The following ARHGAP6 variants were observed in gnomAD, a reference collection of about 807,000 sequenced individuals.
The protein encoded by ARHGAP6 is rho GTPase-activating protein 6.
Under a neutral mutation model 55.7 loss-of-function variants are expected in ARHGAP6, and 16 were observed. The ratio of observed to expected loss-of-function variants is 0.29; its 90% CI spans 0.19 to 0.44. ARHGAP6 has a LOEUF of 0.44. Among genes scored for constraint, ARHGAP6 ranks in the 20% least tolerant of loss-of-function variants. The pLI is 1.00. For synonymous variants in ARHGAP6, 382 were observed against 360.9 expected (o/e 1.06, Z -0.66); for missense variants, 698 against 808.9 (o/e 0.86, Z 1.66).
intron 1 of ARHGAP6, among the ~76,000 whole-genome samples, chrX:11,445,746 G>T (rs1314567095): frequency 9.0e-6 from 1 of 111,396 alleles, no homozygotes; most frequent in African/African-American, 3.3e-5. Context: ...GGCACTACTG[G>T]CATCTAGTGG....
intron 1 of ARHGAP6, among the ~76,000 whole-genome samples, chrX:11,568,583 C>T (rs892583381): frequency 2.7e-5 from 3 of 110,799 alleles, no homozygotes; most frequent in East Asian, 2.8e-4. Context: ...ATGGCAAAAC[C>T]CTGTCTCTAC....
chrX:11,596,971 T>C (rs2147138587), intron 1 of ARHGAP6, among the ~76,000 whole-genome samples: 1 of 111,983 alleles, frequency 8.9e-6, no homozygotes, highest in South Asian at 3.7e-4. Flanking sequence ...ACCAGTTTTC[T>C]TGGGACCTTC....
At chrX:11,411,222 T>TATAA (rs1385399573) in intron 1 of ARHGAP6, among the ~76,000 whole-genome samples, 3 of 79,527 alleles carry the variant, frequency 3.8e-5, no homozygotes, top group Non-Finnish European at 4.8e-5. Context: ...TATATATATA[T>TATAA]AAAATATACA....
intron 1 of ARHGAP6, among the ~76,000 whole-genome samples, chrX:11,330,818 C>T (rs2048554182): frequency 8.9e-6 from 1 of 112,116 alleles, no homozygotes; most frequent in Non-Finnish European, 1.9e-5. Flanking sequence ...GTCATCATCT[C>T]AGCACCCAAC....
chrX:11,283,267 A>G (rs1231173005), intron 1 of ARHGAP6, among the ~76,000 whole-genome samples: 1 of 111,750 alleles, frequency 8.9e-6, no homozygotes, highest in African/African-American at 3.3e-5. Context: ...CACTGAGGAG[A>G]TGGAGAATAA....
chrX:11,484,073 A>C (rs886512107), intron 1 of ARHGAP6, among the ~76,000 whole-genome samples: 1 of 111,989 alleles, frequency 8.9e-6, no homozygotes, highest in African/African-American at 3.3e-5. Flanking sequence ...ACTTCTCTTA[A>C]ATTTAAAAAC....
At chrX:11,525,927 G>A (rs2050984589) in intron 1 of ARHGAP6, among the ~76,000 whole-genome samples, 1 of 111,606 alleles carries the variant, frequency 9.0e-6, no homozygotes, top group Non-Finnish European at 1.9e-5. Flanking sequence ...TCCTCAAAAG[G>A]CTGGACTAAT....
intron 1 of ARHGAP6, among the ~76,000 whole-genome samples, chrX:11,472,391 A>T (rs2050356597): frequency 8.9e-6 from 1 of 112,152 alleles, no homozygotes. Flanking sequence ...ACAGAGATGG[A>T]GAGGCACCAC....
chrX:11,195,223 G>A (rs1433069096), intron 3 of ARHGAP6, among the ~76,000 whole-genome samples: 1 of 110,380 alleles, frequency 9.1e-6, no homozygotes, highest in Admixed American at 9.6e-5. Flanking sequence ...ATGGTGGTGC[G>A]TGCCTGTAAT....
intron 1 of ARHGAP6, among the ~76,000 whole-genome samples, chrX:11,599,144 C>T (rs990540039): frequency 9.0e-6 from 1 of 111,431 alleles, no homozygotes. Context: ...TCTTCTTGAT[C>T]TCTTCATCCA....
At chrX:11,174,717 T>C (rs1041501139) in intron 8 of ARHGAP6, among the ~76,000 whole-genome samples, 1 of 102,663 alleles carries the variant, frequency 9.7e-6, no homozygotes, top group African/African-American at 3.6e-5. Context: ...AGATGGAGTC[T>C]CGCTCTGTCA....
At chrX:11,175,359 T>G (rs192566680) in intron 8 of ARHGAP6, among the ~76,000 whole-genome samples, 98 of 112,327 alleles carry the variant, frequency 8.7e-4, no homozygotes, top group African/African-American at 3.1e-3. Flanking sequence ...CTTTAATCTT[T>G]GGCTATTAGT....
chrX:11,518,630 CT>C (rs777727429), intron 1 of ARHGAP6, among the ~76,000 whole-genome samples: 1,768 of 97,837 alleles, frequency 0.018, 38 homozygotes, highest in African/African-American at 0.052. Context: ...CAACAGTGCA[CT>C]TTTTTTTTTT....
At chrX:11,174,625 T>TCTTTCTTTC (rs748505752) in intron 8 of ARHGAP6, among the ~76,000 whole-genome samples, 3 of 14,986 alleles carry the variant, frequency 2.0e-4, no homozygotes, top group African/African-American at 9.1e-4. Flanking sequence ...TCTCTTTCTT[T>TCTTTCTTTC]TCTTTCTTTC....
At chrX:11,174,584 TTCTTTCTTTTTC>T (rs2046155998) in intron 8 of ARHGAP6, among the ~76,000 whole-genome samples, 3 of 91,844 alleles carry the variant, frequency 3.3e-5, no homozygotes, top group African/African-American at 1.2e-4. Flanking sequence ...CTTTCTTTCT[TTCTTTCTTTTTC>T]TTTCTTTCTT....
intron 1 of ARHGAP6, among the ~76,000 whole-genome samples, chrX:11,269,754 AG>A (rs1274669722): frequency 8.9e-6 from 1 of 112,000 alleles, no homozygotes; most frequent in Admixed American, 9.5e-5. Context: ...TCCAGGGGCT[AG>A]GTGATAAGCC....
chrX:11,187,583 C>T lies in ARHGAP6; in HGVS notation c.1077+1145G>A, dbSNP rs764107024. On this transcript the variant is annotated intron_variant, in intron 4 of 12. Coordinates refer to ENST00000337414, the MANE Select transcript of ARHGAP6 (RefSeq NM_013427.3). ...TCTTCATTTTTAAACATAGTCAATA[C>T]TGCAAAAACAGCAATGGATCAGGTC... Among the ~76,000 whole-genome samples, 34 of 112,352 alleles carry T rather than the reference C, an allele frequency of 3.0e-4. No individual in the cohort carries two copies. The East Asian group carries it at 5.9e-3, about 19-fold the overall frequency.
intron 1 of ARHGAP6, among the ~76,000 whole-genome samples, chrX:11,613,693 A>G (rs1238130082): frequency 8.9e-6 from 1 of 111,965 alleles, no homozygotes; most frequent in Non-Finnish European, 1.9e-5. Flanking sequence ...TATCAATCCC[A>G]TCATTCTTCT....
intron 2 of ARHGAP6, among the ~76,000 whole-genome samples, chrX:11,235,983 C>T (rs1266074296): frequency 8.9e-6 from 1 of 111,848 alleles, no homozygotes; most frequent in Non-Finnish European, 1.9e-5. Flanking sequence ...CAAATGGCTC[C>T]AACCTTTGCC....
Sources: gnomAD v4.1 joint callset for allele counts (sites outside exome capture counted in the v4.1 genomes callset) on GRCh38, gnomAD v4.1.1 for gene constraint, MANE v1.5 for transcripts, NCBI Gene and HGNC (gene_info 2026-07-23, HGNC 2026-07-21) for gene names.